GPR78: variants seen among roughly 807,000 people sequenced by gnomAD.
GPR78 encodes the protein G protein-coupled receptor 78.
GPR78 carries 29 observed loss-of-function variants against 17.9 expected under a neutral mutation model. The ratio of observed to expected loss-of-function variants is 1.62; its 90% CI spans 1.20 to 2.21. The LOEUF (loss-of-function observed/expected upper bound fraction) is 2.21. GPR78 is among the 30% of genes most tolerant of loss of function. The pLI, the probability that GPR78 is intolerant of heterozygous loss-of-function variation, is 0.00. For missense variants in GPR78, 649 were observed against 530.5 expected, an observed-to-expected ratio of 1.22 and a Z score of -2.19; for synonymous variants, 349 against 256.9, an observed-to-expected ratio of 1.36 and a Z score of -3.43.
At position 8,581,468 on chromosome 4, in the gene GPR78, C is replaced by T. The variant is rs944501351; in HGVS notation, c.486C>T (p.Pro162=). The T allele has an allele frequency of 3.1e-6, 5 of 1,591,694 alleles. No homozygotes were observed. Among genetic ancestry groups the T allele is most frequent in the Middle Eastern group, 1.8e-4 (1 of 5,582 alleles). The change falls in exon 1 of 3, where the codon CCC becomes CCT. Residue 162 remains proline (P), a synonymous_variant. Coordinates refer to ENST00000382487, the MANE Select transcript of GPR78 (RefSeq NM_080819.5). ...CGTCCTGTTCGCTGCGCCTGCCGCC[C>T]GAGCCTGAGCGTCCGCGCTTCGCAG... ...AFASCSLRLP[P]EPERPRFAAF... is the part of the protein sequence containing the mutation.
At chr4:8,581,687 G>A (rs1201693094) in intron 1 of GPR78, 37 bp downstream of exon 1, 21 of 1,401,766 alleles carry the variant, frequency 1.5e-5, no homozygotes, top group Non-Finnish European at 1.9e-5. Context: ...CCCAGGCCAG[G>A]GACTTGGGCG....
At chr4:8,584,824 C>T (rs1713433768) in intron 2 of GPR78, among the ~76,000 whole-genome samples, 1 of 152,238 alleles carries the variant, frequency 6.6e-6, no homozygotes, top group Non-Finnish European at 1.5e-5. Flanking sequence ...GTCCCTGCTG[C>T]CCCTTAAAAG....
Position 8,581,321 on chromosome 4 carries a change from C to T in GPR78, c.339C>T (p.Arg113=). ...DQWLAVGFPL[R]YAGRLRPRYA... The stretch of plus-strand genomic sequence containing the variant: ...GGCTGGCAGTGGGCTTCCCACTGCG[C>T]TACGCCGGACGCCTGCGACCGCGCT... Residue 113 remains arginine, a synonymous_variant, in exon 1 of 3, where the codon CGC becomes CGT. Transcript: ENST00000382487. The T allele has an allele frequency of 6.3e-7, 1 of 1,577,710 alleles. No individual in the cohort carries two copies. The highest frequency in any genetic ancestry group is 8.6e-7 in the Non-Finnish European group (1 of 1,168,124).
In GPR78 at chr4:8,587,534, A is replaced by AGG. The variant is rs1713565577; in HGVS notation, c.*172_*173insGG. ...AGGGCCGGATGTGGGTGTGGACAGCAGTAGTGGCGGAGGAGAGCTCGGGGC... is the reference window on the plus strand; with the variant it reads ...AGGGCCGGATGTGGGTGTGGACAGCAGGGTAGTGGCGGAGGAGAGCTCGGGGC... On this transcript the variant is annotated 3_prime_UTR_variant, in exon 3 of 3. Coordinates refer to ENST00000382487, the MANE Select transcript of GPR78 (RefSeq NM_080819.5). The AGG allele has an allele frequency of 4.2e-6, 3 of 707,962 alleles. No individual in the cohort carries two copies. Among genetic ancestry groups the AGG allele is most frequent in the South Asian group, 3.8e-5 (2 of 52,604 alleles). The allele number at this position is 707,962 out of a possible 1,614,324, so 43.9% of individuals were successfully genotyped here.
Position 8,587,109 on chromosome 4 carries a change from A to G in GPR78, c.838A>G (p.Lys280Glu). The G allele has an allele frequency of 6.2e-7, 1 of 1,613,340 alleles. No individual in the cohort carries two copies. Among genetic ancestry groups the G allele is most frequent in the Non-Finnish European group, 8.5e-7 (1 of 1,179,980 alleles). Residue 280 changes from lysine to glutamate, a missense_variant, in exon 3 of 3, where the codon AAG becomes GAG. Physicochemically the swap from Lys to Glu is moderately conservative, Grantham distance 56. Coordinates refer to ENST00000382487, the MANE Select transcript of GPR78 (RefSeq NM_080819.5). ...TVNAQWGILS[K>E]CLTYSKAVAD... ...GAACGCCCAGTGGGGCATCCTCAGCAAGTGCCTGACCTACAGCAAGGCGGT... is the reference window on the plus strand; with the variant it reads ...GAACGCCCAGTGGGGCATCCTCAGCGAGTGCCTGACCTACAGCAAGGCGGT...
rs1226640734 is a variant in GPR78 at position 8,580,698 on chromosome 4, C to T, written c.-285C>T. On this transcript the variant is annotated 5_prime_UTR_variant, in exon 1 of 3. Coordinates refer to ENST00000382487, the MANE Select transcript of GPR78 (RefSeq NM_080819.5). ...CGCTTCAGCCTCAGGACAGTCCTGCCGGGACGGTGAGCGCATTCAGCACCC... is the reference window on the plus strand; with the variant it reads ...CGCTTCAGCCTCAGGACAGTCCTGCTGGGACGGTGAGCGCATTCAGCACCC... The T allele has an allele frequency of 6.0e-6, 3 of 502,780 alleles. No homozygotes were observed. The highest frequency in any genetic ancestry group is 3.9e-5 in the Admixed American group (1 of 25,642). 31.1% of individuals were successfully genotyped at this position (502,780 alleles called of 1,614,324 possible). A position where few individuals can be genotyped will look rare whatever the true frequency, so the allele number is the denominator to read the frequency against.
intron 2 of GPR78, chr4:8,582,862 G>C (rs975386844): frequency 5.6e-6 from 3 of 531,328 alleles, no homozygotes; most frequent in African/African-American, 3.8e-5. Flanking sequence ...TAAATGAGGA[G>C]ACTCTCCTTG....
At position 8,580,785 on chromosome 4, in the gene GPR78, C is replaced by T. The variant is rs1713239411; in HGVS notation, c.-198C>T. 3 of 603,258 alleles carry T rather than the reference C, an allele frequency of 5.0e-6. No homozygotes were observed. In the Admixed American group the frequency reaches 9.7e-5, roughly 20 times the overall value. 37.4% of individuals were successfully genotyped at this position (603,258 alleles called of 1,614,324 possible). A position where few individuals can be genotyped will look rare whatever the true frequency, so the allele number is the denominator to read the frequency against. On this transcript the variant is annotated 5_prime_UTR_variant, in exon 1 of 3. Coordinates refer to ENST00000382487, the MANE Select transcript of GPR78 (RefSeq NM_080819.5). ...CCCGGGCTGCTCCTGCTCCGCAGAG[C>T]TACGCCCTCCCCCCGGGTGCCCCGG...
chr4:8,586,692 C>T (rs371712881), intron 2 of GPR78, among the ~76,000 whole-genome samples: 82 of 152,334 alleles, frequency 5.4e-4, no homozygotes, highest in African/African-American at 1.9e-3. Context: ...ATGGCTCCCT[C>T]GGTAGCTGGT....
chr4:8,585,415 T>A (rs1451432017), intron 2 of GPR78, among the ~76,000 whole-genome samples: 1 of 152,116 alleles, frequency 6.6e-6, no homozygotes, highest in East Asian at 1.9e-4. Context: ...TGCAGCCCAG[T>A]CCCCTAGTGG....
rs1008916232 is a variant in GPR78, at chr4:8,589,798, C to A, written c.*2435C>A. On this transcript the variant is annotated 3_prime_UTR_variant, in exon 3 of 3. Coordinates refer to ENST00000382487, the MANE Select transcript of GPR78 (RefSeq NM_080819.5). ...GCTTGCTGTCATGTTTCGCCTTCCT[C>A]GGCAGCTCCATGGAATGTTCTGGAG... Among the ~76,000 whole-genome samples, 1 of 152,148 alleles carries A rather than the reference C, an allele frequency of 6.6e-6. No homozygotes were observed. The highest frequency in any genetic ancestry group is 1.5e-5 in the Non-Finnish European group (1 of 68,038).
chr4:8,580,961 T>C lies in GPR78; in HGVS notation c.-22T>C. The C allele has an allele frequency of 2.0e-6, 3 of 1,528,752 alleles. No homozygotes were observed. The highest frequency in any genetic ancestry group is 2.6e-6 in the Non-Finnish European group (3 of 1,141,992). 94.7% of individuals were successfully genotyped at this position (1,528,752 alleles called of 1,614,324 possible). A position where few individuals can be genotyped will look rare whatever the true frequency, so the allele number is the denominator to read the frequency against. On this transcript the variant is annotated 5_prime_UTR_variant, in exon 1 of 3. Coordinates refer to ENST00000382487, the MANE Select transcript of GPR78 (RefSeq NM_080819.5). Reference sequence around the variant, plus strand: ...AAGCAGAGCCATGAGAACCCCAGGGTGCCTGGCGAGCCGCTAGCGCCATGG... The same window carrying C: ...AAGCAGAGCCATGAGAACCCCAGGGCGCCTGGCGAGCCGCTAGCGCCATGG...
chr4:8,588,415 T>G lies in GPR78; in HGVS notation c.*1052T>G, dbSNP rs1440774123. Among the ~76,000 whole-genome samples the G allele has an allele frequency of 2.0e-5, 3 of 152,358 alleles. No individual in the cohort carries two copies. The East Asian group carries it at 5.8e-4, about 29-fold the overall frequency. On this transcript the variant is annotated 3_prime_UTR_variant, in exon 3 of 3. Transcript: ENST00000382487. ...ATTGAATGTCCCCATGGGACAGTGT[T>G]GAGGACTTTTGTGACATCTGTCCTA...
chr4:8,586,241 C>G (rs1439000269), intron 2 of GPR78, among the ~76,000 whole-genome samples: 2 of 152,192 alleles, frequency 1.3e-5, no homozygotes, highest in Non-Finnish European at 2.9e-5. Flanking sequence ...GAGGCCCATC[C>G]CCCTGCTGCT....
At chr4:8,583,287 G>T (rs1713371048) in intron 2 of GPR78, among the ~76,000 whole-genome samples, 1 of 152,202 alleles carries the variant, frequency 6.6e-6, no homozygotes, top group Non-Finnish European at 1.5e-5. Context: ...GGAAATGTGT[G>T]CACCCTGCCT....
Position 8,582,615 on chromosome 4 carries a change from C to T in GPR78, c.753C>T (p.Leu251=), listed in dbSNP as rs750716357. Residue 251 remains leucine, a synonymous_variant, in exon 2 of 3, where the codon CTC becomes CTT. Coordinates refer to ENST00000382487, the MANE Select transcript of GPR78 (RefSeq NM_080819.5). ...TTGGCATTGCTATTGCGACCTTCCT[C>T]ATCTGCTTTGCCCCGTATGTCATGA... ...RKIGIAIATF[L]ICFAPYVMTR... 51 of 1,613,038 alleles carry T rather than the reference C, an allele frequency of 3.2e-5. No individual in the cohort carries two copies. Among genetic ancestry groups the T allele is most frequent in the Middle Eastern group, 1.6e-4 (1 of 6,080 alleles).
chr4:8,586,112 C>T (rs992046921), intron 2 of GPR78, among the ~76,000 whole-genome samples: 6 of 152,114 alleles, frequency 3.9e-5, no homozygotes, highest in African/African-American at 1.4e-4. Context: ...TCAGAAGCCT[C>T]GTCCTCACTC....
rs780067541 is a variant in GPR78 at position 8,582,644 on chromosome 4, G to T, written c.782G>T (p.Arg261Met). The change falls in exon 2 of 3, where the codon AGG becomes ATG. Residue 261 changes from arginine to methionine, a missense_variant and splice_region_variant. Arg to Met is a moderately conservative substitution (Grantham distance 91, BLOSUM62 -1). Transcript: ENST00000382487. ...TGCTTTGCCCCGTATGTCATGACCA[G>T]GTGGGTCCTGGCAGTCCGGCTCCTG... Reference protein sequence around the residue: ...LICFAPYVMTRLAELVPFVTV... With the variant: ...LICFAPYVMTMLAELVPFVTV... 7.5e-6 allele frequency: 12 copies of T among 1,593,874 alleles called. No individual in the cohort carries two copies. Among genetic ancestry groups the T allele is most frequent in the Non-Finnish European group, 1.0e-5 (12 of 1,161,698 alleles).
At position 8,588,572 on chromosome 4, in the gene GPR78, G is replaced by T. The variant is rs545038003; in HGVS notation, c.*1209G>T. 6.6e-6 allele frequency among the ~76,000 whole-genome samples: 1 copy of T among 152,310 alleles called. No homozygotes were observed. The highest frequency in any genetic ancestry group is 2.1e-4 in the South Asian group (1 of 4,816). On this transcript the variant is annotated 3_prime_UTR_variant, in exon 3 of 3. Coordinates refer to ENST00000382487, the MANE Select transcript of GPR78 (RefSeq NM_080819.5). Reference sequence around the variant, plus strand: ...CTCTGTCATTGCTGTTTTCTTCAAGGCCCAGGGCCATCCCCTGCAGAGGTA... The same window carrying T: ...CTCTGTCATTGCTGTTTTCTTCAAGTCCCAGGGCCATCCCCTGCAGAGGTA...
Sources: allele counts gnomAD v4.1 joint callset (sites outside exome capture counted in the v4.1 genomes callset), GRCh38; gene constraint gnomAD v4.1.1; transcripts MANE v1.5; gene names NCBI Gene and HGNC (gene_info 2026-07-23, HGNC 2026-07-21).